SEZ6L: variants seen among roughly 807,000 people sequenced by gnomAD.
The protein encoded by SEZ6L is seizure 6-like protein.
SEZ6L carries 37 observed loss-of-function variants against 106.2 expected under a neutral mutation model. The observed-to-expected ratio is 0.35, with a 90% confidence interval of 0.27 to 0.46. SEZ6L has a LOEUF of 0.46. Among genes scored for constraint, SEZ6L ranks in the 20% least tolerant of loss-of-function variants. The pLI is 1.00. For missense variants in SEZ6L, 1,172 were observed against 1,332.8 expected (o/e 0.88, Z 1.88); for synonymous variants, 541 against 570.4 (o/e 0.95, Z 0.73).
chr22:26,302,329 A>G (rs1203737315), intron 5 of SEZ6L, among the ~76,000 whole-genome samples: 6 of 152,220 alleles, frequency 3.9e-5, no homozygotes, highest in African/African-American at 1.4e-4. Context: ...CACCTGGAGA[A>G]GCACTGGTTT....
intron 1 of SEZ6L, among the ~76,000 whole-genome samples, chr22:26,249,903 T>C (rs1300384113): frequency 6.6e-6 from 1 of 152,210 alleles, no homozygotes; most frequent in Non-Finnish European, 1.5e-5. Context: ...TTTTGATTTG[T>C]ATTTTCCTGA....
chr22:26,249,272 C>T (rs753564504), intron 1 of SEZ6L, among the ~76,000 whole-genome samples: 10 of 152,126 alleles, frequency 6.6e-5, no homozygotes, highest in African/African-American at 1.9e-4. Context: ...CTTATTCCTC[C>T]GATCTAGCTG....
At chr22:26,188,406 A>G (rs1340456807) in intron 1 of SEZ6L, among the ~76,000 whole-genome samples, 1 of 152,184 alleles carries the variant, frequency 6.6e-6, no homozygotes, top group Non-Finnish European at 1.5e-5. Context: ...GTTCAACTGC[A>G]TGTCTGGTAG....
chr22:26,236,674 G>C (rs983338751), intron 1 of SEZ6L, among the ~76,000 whole-genome samples: 2 of 152,184 alleles, frequency 1.3e-5, no homozygotes, highest in Non-Finnish European at 2.9e-5. Flanking sequence ...AGAGGAGGGG[G>C]CTGAGAGAGA....
At position 26,382,378 on chromosome 22, in the gene SEZ6L, G is replaced by T. The variant is rs2084435431; in HGVS notation, c.*2083G>T. 6.3e-6 allele frequency: 1 copy of T among 159,902 alleles called. No individual in the cohort carries two copies. The highest frequency in any genetic ancestry group is 1.4e-5 in the Non-Finnish European group (1 of 72,562). 9.9% of individuals were successfully genotyped at this position (159,902 alleles called of 1,614,324 possible). A position where few individuals can be genotyped will look rare whatever the true frequency, so the allele number is the denominator to read the frequency against. ...ATATTTGATTTTACAACGTGTTATGGTTATGTGAAAACTAAACATTTGCCT... is the reference window on the plus strand; with the variant it reads ...ATATTTGATTTTACAACGTGTTATGTTTATGTGAAAACTAAACATTTGCCT... On this transcript the variant is annotated 3_prime_UTR_variant, in exon 17 of 17. Transcript: ENST00000248933.
chr22:26,344,728 A>T (rs1314824849), intron 10 of SEZ6L, among the ~76,000 whole-genome samples: 1 of 152,208 alleles, frequency 6.6e-6, no homozygotes, highest in African/African-American at 2.4e-5. Context: ...CAAACAAACA[A>T]ACGAATCCAT....
chr22:26,269,564 G>A (rs1047563898), intron 1 of SEZ6L, among the ~76,000 whole-genome samples: 1 of 152,162 alleles, frequency 6.6e-6, no homozygotes, highest in Non-Finnish European at 1.5e-5. Context: ...AATCTTCGAC[G>A]CACCAGCTCC....
chr22:26,232,345 T>TTC (rs1312342595), intron 1 of SEZ6L, among the ~76,000 whole-genome samples: 4 of 40,932 alleles, frequency 9.8e-5, no homozygotes, highest in Admixed American at 2.7e-4. Context: ...CTCTCTGTCT[T>TTC]TCACACACAC....
At chr22:26,185,686 A>C (rs1002678685) in intron 1 of SEZ6L, among the ~76,000 whole-genome samples, 2 of 152,124 alleles carry the variant, frequency 1.3e-5, no homozygotes, top group African/African-American at 4.8e-5. Context: ...CACCATTTAT[A>C]TGCCAGGCAT....
chr22:26,186,104 A>G (rs968940190), intron 1 of SEZ6L, among the ~76,000 whole-genome samples: 2 of 151,996 alleles, frequency 1.3e-5, no homozygotes, highest in African/African-American at 2.4e-5. Flanking sequence ...AGCCTCCCTG[A>G]CATGAATTAT....
rs139360331 is a variant in SEZ6L at position 26,301,812 on chromosome 22, T to C, written c.1348+2643T>C. The stretch of plus-strand genomic sequence containing the variant: ...AGAGGTCAGAAGGAACTCGATGAGT[T>C]TGAGAAAGCAAATAAATAAATAAGA... On this transcript the variant is annotated intron_variant, in intron 5 of 16. Coordinates refer to ENST00000248933, the MANE Select transcript of SEZ6L (RefSeq NM_021115.5). Among the ~76,000 whole-genome samples the C allele has an allele frequency of 3.9e-5, 6 of 152,148 alleles. 1 individual carries two copies. Among genetic ancestry groups the C allele is most frequent in the Middle Eastern group, 3.4e-3 (1 of 294 alleles).
intron 1 of SEZ6L, among the ~76,000 whole-genome samples, chr22:26,183,841 T>A (rs1010836260): frequency 1.3e-5 from 2 of 152,184 alleles, no homozygotes; most frequent in African/African-American, 4.8e-5. Flanking sequence ...GTTAATGAGG[T>A]TTGGCCAGAA....
intron 12 of SEZ6L, among the ~76,000 whole-genome samples, chr22:26,352,357 A>T (rs1424363412): frequency 2.6e-5 from 4 of 152,300 alleles, no homozygotes; most frequent in Admixed American, 1.3e-4. Flanking sequence ...CATTAGGAAT[A>T]CAGCCAGTTC....
intron 4 of SEZ6L, among the ~76,000 whole-genome samples, chr22:26,297,813 C>T (rs547638134): frequency 2.6e-5 from 4 of 151,102 alleles, no homozygotes; most frequent in African/African-American, 7.3e-5. Flanking sequence ...CCTTTCCACC[C>T]TCTATTTTCC....
intron 5 of SEZ6L, among the ~76,000 whole-genome samples, chr22:26,301,992 G>A (rs1409849155): frequency 1.3e-5 from 2 of 152,092 alleles, no homozygotes; most frequent in Non-Finnish European, 2.9e-5. Context: ...CTTCTATTTG[G>A]CAAAAATGAT....
intron 1 of SEZ6L, among the ~76,000 whole-genome samples, chr22:26,281,956 G>A (rs1419326015): frequency 6.6e-6 from 1 of 152,148 alleles, no homozygotes; most frequent in Non-Finnish European, 1.5e-5. Context: ...TCAGCTGCAT[G>A]GCATTCCACC....
intron 9 of SEZ6L, among the ~76,000 whole-genome samples, chr22:26,328,622 G>A (rs1023203807): frequency 6.6e-6 from 1 of 152,194 alleles, no homozygotes; most frequent in Non-Finnish European, 1.5e-5. Flanking sequence ...CTCGCCCACT[G>A]CCTTCGGAAA....
rs1195076943 is a variant in SEZ6L at position 26,169,649 on chromosome 22, T to G, written c.-21T>G. The stretch of plus-strand genomic sequence containing the variant: ...GTCCGCCCGCCCCACAGCCAGCGGC[T>G]CCGCGCCCCCTGCAGCCACGATGCC... On this transcript the variant is annotated 5_prime_UTR_variant, in exon 1 of 17. Coordinates refer to ENST00000248933, the MANE Select transcript of SEZ6L (RefSeq NM_021115.5). 1.1e-5 allele frequency: 12 copies of G among 1,079,466 alleles called. No individual in the cohort carries two copies. In the Admixed American group the frequency reaches 3.9e-4, roughly 35 times the overall value. 66.9% of individuals were successfully genotyped at this position (1,079,466 alleles called of 1,614,324 possible). A position where few individuals can be genotyped will look rare whatever the true frequency, so the allele number is the denominator to read the frequency against.
chr22:26,292,984 G>T lies in SEZ6L; in HGVS notation c.673G>T (p.Gly225Trp). Residue 225 changes from glycine to tryptophan, a missense_variant, in exon 2 of 17, where the codon GGG (glycine) becomes TGG (tryptophan). Gly to Trp is a radical substitution (Grantham distance 184). Coordinates refer to ENST00000248933, the MANE Select transcript of SEZ6L (RefSeq NM_021115.5). ...LPQRPEPGEPGPDMAQEAPQE... is the reference protein window; with the variant it reads ...LPQRPEPGEPWPDMAQEAPQE... ...CCAGAGGCCAGAACCCGGGGAGCCTGGGCCTGACATGGCCCAGGAGGCCCC... is the reference window on the plus strand; with the variant it reads ...CCAGAGGCCAGAACCCGGGGAGCCTTGGCCTGACATGGCCCAGGAGGCCCC... The T allele has an allele frequency of 4.3e-6, 7 of 1,613,970 alleles. No homozygotes were observed. Among genetic ancestry groups the T allele is most frequent in the Non-Finnish European group, 5.9e-6 (7 of 1,179,960 alleles).
Sources: allele counts gnomAD v4.1 joint callset (sites outside exome capture counted in the v4.1 genomes callset), GRCh38; gene constraint gnomAD v4.1.1; transcripts MANE v1.5; gene names NCBI Gene and HGNC (gene_info 2026-07-23, HGNC 2026-07-21).